Variants in CDH4 observed in about 807,000 individuals in gnomAD.
CDH4 encodes the protein cadherin-4.
A neutral mutation model predicts 86.0 loss-of-function variants in CDH4; 33 were observed. The ratio of observed to expected loss-of-function variants is 0.38; its 90% CI spans 0.29 to 0.51. CDH4 has a LOEUF of 0.51. Among genes scored for constraint, CDH4 ranks in the 20% least tolerant of loss-of-function variants. The pLI is 0.86. For missense variants in CDH4, 1,114 were observed against 1,307.4 expected, an observed-to-expected ratio of 0.85 and a Z score of 2.28; for synonymous variants, 555 against 549.4, an observed-to-expected ratio of 1.01 and a Z score of -0.14.
At chr20:61,387,207 C>T (rs918999522) in intron 2 of CDH4, among the ~76,000 whole-genome samples, 2 of 152,054 alleles carry the variant, frequency 1.3e-5, no homozygotes. Flanking sequence ...CACAAACCCA[C>T]ACACAGATCC....
intron 2 of CDH4, among the ~76,000 whole-genome samples, chr20:61,508,131 A>C (rs1568869871): frequency 6.6e-6 from 1 of 152,222 alleles, no homozygotes; most frequent in Non-Finnish European, 1.5e-5. Flanking sequence ...GTCCCTAAAA[A>C]TGTGTTTGGT....
intron 4 of CDH4, among the ~76,000 whole-genome samples, chr20:61,840,480 GCCTTCCAAGCAGAAGTC>G (rs1982110274): frequency 6.6e-6 from 1 of 152,230 alleles, no homozygotes; most frequent in Non-Finnish European, 1.5e-5. Context: ...AGGAGAACCG[GCCTTCCAAGCAGAAGTC>G]CCTGGGTGAA....
chr20:61,615,279 G>A (rs774842041), intron 2 of CDH4, among the ~76,000 whole-genome samples: 19 of 151,860 alleles, frequency 1.3e-4, no homozygotes, highest in Non-Finnish European at 2.5e-4. Context: ...GCACCACCAC[G>A]CCCAGCTAAT....
intron 2 of CDH4, among the ~76,000 whole-genome samples, chr20:61,635,182 TA>T (rs148892902): frequency 0.047 from 7,129 of 152,274 alleles, 214 homozygotes; most frequent in Middle Eastern, 0.078. Context: ...GACCCGGCAG[TA>T]ACTCTAGGTT....
At chr20:61,508,332 A>G (rs1336823151) in intron 2 of CDH4, among the ~76,000 whole-genome samples, 2 of 152,214 alleles carry the variant, frequency 1.3e-5, no homozygotes, top group East Asian at 3.8e-4. Context: ...CCGGGTGAGA[A>G]GCCAGTCCTC....
At chr20:61,705,560 C>T (rs1481132332) in intron 2 of CDH4, among the ~76,000 whole-genome samples, 2 of 152,172 alleles carry the variant, frequency 1.3e-5, no homozygotes, top group South Asian at 2.1e-4. Context: ...GCAGCTGGTC[C>T]GTTCCTGCCA....
chr20:61,556,863 G>A (rs751326812), intron 2 of CDH4, among the ~76,000 whole-genome samples: 37 of 152,106 alleles, frequency 2.4e-4, no homozygotes, highest in Non-Finnish European at 4.6e-4. Context: ...CCACAACTCC[G>A]GGGCAACAAC....
At chr20:61,539,477 G>A (rs2086023153) in intron 2 of CDH4, among the ~76,000 whole-genome samples, 1 of 152,200 alleles carries the variant, frequency 6.6e-6, no homozygotes, top group Admixed American at 6.5e-5. Flanking sequence ...TCGTCCCTGT[G>A]TGTGTGTCTG....
chr20:61,349,715 A>G (rs1356549120), intron 2 of CDH4, among the ~76,000 whole-genome samples: 1 of 152,182 alleles, frequency 6.6e-6, no homozygotes, highest in Non-Finnish European at 1.5e-5. Flanking sequence ...AGAATCACAC[A>G]GTCCCTCGTG....
chr20:61,828,280 C>A lies in CDH4; in HGVS notation c.577-16388C>A, dbSNP rs115986874. On this transcript the variant is annotated intron_variant, in intron 4 of 15. Transcript: ENST00000614565. ...ACATTACCCGCATCTAACGAAAGCA[C>A]CCACCACCCGCCACCTGTGAAGTAT... Among the ~76,000 whole-genome samples, 1,430 of 152,262 alleles carry A rather than the reference C, an allele frequency of 9.4e-3. 16 individuals carry two copies. The highest frequency in any genetic ancestry group is 0.032 in the African/African-American group (1,323 of 41,544).
intron 2 of CDH4, among the ~76,000 whole-genome samples, chr20:61,686,152 T>C (rs2087570909): frequency 6.6e-6 from 1 of 152,212 alleles, no homozygotes. Context: ...TCTTGCCAGC[T>C]TTTCCTAAAA....
rs1568688398 is a variant in CDH4 at position 61,565,208 on chromosome 20, GTGCTCT to G, written c.170-178354_170-178349del. On this transcript the variant is annotated intron_variant, in intron 2 of 15. Transcript: ENST00000614565. ...GGTGGTCCTCTTGGTGGTGGTCGCG[GTGCTCT>G]CGGTGGTAGGTGGTGGTGGTGGTGG... Among the ~76,000 whole-genome samples, 33 of 36,744 alleles carry G rather than the reference GTGCTCT, an allele frequency of 9.0e-4. 4 individuals carry two copies. Among genetic ancestry groups the G allele is most frequent in the South Asian group, 8.3e-3 (8 of 960 alleles). 24.1% of individuals were successfully genotyped at this position (36,744 alleles called of 152,430 possible).
intron 4 of CDH4, among the ~76,000 whole-genome samples, chr20:61,831,391 C>T (rs971943303): frequency 1.3e-5 from 2 of 152,182 alleles, no homozygotes; most frequent in South Asian, 2.1e-4. Context: ...AGTGAAGTCT[C>T]GAGGGAAGAG....
intron 4 of CDH4, among the ~76,000 whole-genome samples, chr20:61,817,466 C>T (rs924048310): frequency 5.9e-5 from 9 of 152,186 alleles, no homozygotes; most frequent in Non-Finnish European, 7.3e-5. Flanking sequence ...CACTCCTAGG[C>T]CCACACAAGA....
Position 61,503,911 on chromosome 20 carries a change from C to T in CDH4, c.170-239652C>T, listed in dbSNP as rs578226399. On this transcript the variant is annotated intron_variant, in intron 2 of 15. Transcript: ENST00000614565. Reference sequence around the variant, plus strand: ...AGGTGTTTTTGCTGTCTGAACTCTGCGTCTTTGGCTCACCCAAACAGGGAG... The same window carrying T: ...AGGTGTTTTTGCTGTCTGAACTCTGTGTCTTTGGCTCACCCAAACAGGGAG... Among the ~76,000 whole-genome samples, 15 of 152,292 alleles carry T rather than the reference C, an allele frequency of 9.8e-5. No homozygotes were observed. The South Asian group carries it at 2.3e-3, about 23-fold the overall frequency.
intron 2 of CDH4, among the ~76,000 whole-genome samples, chr20:61,400,577 CATATGGTCACGCATGG>C (rs2085043974): frequency 6.6e-6 from 1 of 152,240 alleles, no homozygotes; most frequent in Non-Finnish European, 1.5e-5. Context: ...GACTCTGCTC[CATATGGTCACGCATGG>C]ATCCAGTCTC....
intron 2 of CDH4, among the ~76,000 whole-genome samples, chr20:61,420,110 C>A (rs538453373): frequency 6.6e-6 from 1 of 152,350 alleles, no homozygotes; most frequent in Non-Finnish European, 1.5e-5. Flanking sequence ...TAGGCACTCA[C>A]CTGGAGAGTG....
intron 2 of CDH4, among the ~76,000 whole-genome samples, chr20:61,502,808 T>C (rs1404322084): frequency 6.6e-6 from 1 of 152,240 alleles, no homozygotes; most frequent in Admixed American, 6.5e-5. Context: ...AATTACTCTG[T>C]ACTGGGGCTC....
At chr20:61,848,333 C>G (rs1039767835) in intron 5 of CDH4, among the ~76,000 whole-genome samples, 1 of 151,582 alleles carries the variant, frequency 6.6e-6, no homozygotes, top group South Asian at 2.1e-4. Flanking sequence ...CTTGCCAGTG[C>G]GCAGACACTT....
Sources: allele counts gnomAD v4.1 joint callset (sites outside exome capture counted in the v4.1 genomes callset), GRCh38; gene constraint gnomAD v4.1.1; transcripts MANE v1.5; gene names NCBI Gene and HGNC (gene_info 2026-07-23, HGNC 2026-07-21).